EYA1: variants seen among roughly 807,000 people sequenced by gnomAD.
EYA1 encodes the protein EYA transcriptional coactivator and phosphatase 1, also known as protein phosphatase EYA1.
EYA1 carries 16 observed loss-of-function variants against 82.0 expected under a neutral mutation model. The ratio of observed to expected loss-of-function variants is 0.20; its 90% CI spans 0.13 to 0.30. The LOEUF is 0.30. Among genes scored for constraint, EYA1 ranks in the 10% least tolerant of loss-of-function variants. The pLI, the probability that EYA1 is intolerant of heterozygous loss-of-function variation, is 1.00. For synonymous variants in EYA1, 261 were observed against 264.4 expected (o/e 0.99, Z 0.12); for missense variants, 633 against 730.7 (o/e 0.87, Z 1.54).
At chr8:71,485,936 T>C (rs1046096627) in intron 2 of EYA1, among the ~76,000 whole-genome samples, 3 of 152,176 alleles carry the variant, frequency 2.0e-5, no homozygotes, top group East Asian at 3.9e-4. Context: ...GAAGAGTTGA[T>C]AGCTTTTGCC....
In EYA1 at chr8:71,387,423, G is replaced by T. The variant is rs78963654; in HGVS notation, c.34-30912C>A. Among the ~76,000 whole-genome samples, 626 of 152,286 alleles carry T rather than the reference G, an allele frequency of 4.1e-3. 6 individuals carry two copies. The highest frequency in any genetic ancestry group is 0.014 in the African/African-American group (602 of 41,562). ...CAATGTGTAAATGACAGATTATATA[G>T]AGAGAAATGATAGGTAGAAACACCA... On this transcript the variant is annotated intron_variant, in intron 2 of 18. Coordinates refer to the EYA1 transcript ENST00000643681.
chr8:71,211,282 AAATGTGAAGTTTGGGTAACCT>A (rs770685189), intron 16 of EYA1, 26 bp from the exon 17 acceptor site: 45 of 1,491,412 alleles, frequency 3.0e-5, no homozygotes, highest in Non-Finnish European at 4.2e-5. Flanking sequence ...AAATGATAGA[AAATGTGAAGTTTGGGTAACCT>A]AATGTGACAG....
chr8:71,231,805 C>G (rs993694822), intron 12 of EYA1, among the ~76,000 whole-genome samples: 3 of 152,210 alleles, frequency 2.0e-5, no homozygotes, highest in Non-Finnish European at 4.4e-5. Flanking sequence ...TCTGTCCACT[C>G]TCTATCTATT....
At chr8:71,360,847 A>G (rs1470849588) in intron 1 of EYA1, among the ~76,000 whole-genome samples, 2 of 152,220 alleles carry the variant, frequency 1.3e-5, no homozygotes, top group Non-Finnish European at 2.9e-5. Flanking sequence ...ACAGCTCTGA[A>G]TTTATTGAAT....
intron 2 of EYA1, among the ~76,000 whole-genome samples, chr8:71,441,388 T>A (rs1328210315): frequency 6.6e-6 from 1 of 151,980 alleles, no homozygotes; most frequent in South Asian, 2.1e-4. Flanking sequence ...CCAGCCTGAG[T>A]GACAGAGTGA....
At chr8:71,352,297 G>A (rs1438179673) in intron 3 of EYA1, among the ~76,000 whole-genome samples, 1 of 152,096 alleles carries the variant, frequency 6.6e-6, no homozygotes, top group Non-Finnish European at 1.5e-5. Context: ...TATATTATGA[G>A]ACATATAAGT....
rs528223275 is a variant in EYA1, at chr8:71,393,489, C to A, written c.34-36978G>T. Among the ~76,000 whole-genome samples the A allele has an allele frequency of 2.0e-5, 3 of 152,218 alleles. No individual in the cohort carries two copies. The South Asian group carries it at 6.2e-4, about 32-fold the overall frequency. ...GTCCCCAGTGTGTGATGTTCCCCAC[C>A]CTGTGTCCAAGTGTTCTCATTGTTC... On this transcript the variant is annotated intron_variant, in intron 2 of 18. Transcript: ENST00000643681.
At chr8:71,448,165 T>A (rs923639131) in intron 2 of EYA1, among the ~76,000 whole-genome samples, 1 of 150,942 alleles carries the variant, frequency 6.6e-6, no homozygotes, top group Non-Finnish European at 1.5e-5. Flanking sequence ...GCCTGGCTAA[T>A]TTTTTGTATT....
intron 7 of EYA1, among the ~76,000 whole-genome samples, chr8:71,315,594 T>G (rs1349661627): frequency 1.3e-5 from 2 of 152,218 alleles, no homozygotes; most frequent in African/African-American, 4.8e-5. Flanking sequence ...GTCTCTCTCT[T>G]TGGCAAGAAT....
intron 3 of EYA1, among the ~76,000 whole-genome samples, chr8:71,353,206 C>A (rs1826479504): frequency 6.6e-6 from 1 of 152,212 alleles, no homozygotes; most frequent in Admixed American, 6.5e-5. Context: ...CTGACTCCTG[C>A]ATGAGGCCTG....
At chr8:71,367,297 G>A (rs1827813646) in intron 2 of EYA1, among the ~76,000 whole-genome samples, 1 of 151,954 alleles carries the variant, frequency 6.6e-6, no homozygotes, top group Admixed American at 6.6e-5. Context: ...AGTATGATAT[G>A]CTTTAGTTTT....
chr8:71,546,867 A>G (rs1815651881), intron 1 of EYA1, among the ~76,000 whole-genome samples: 1 of 152,150 alleles, frequency 6.6e-6, no homozygotes, highest in Admixed American at 6.6e-5. Context: ...CTCCCACTGG[A>G]ATTTTTTAAA....
At chr8:71,326,468 C>T (rs1309872527) in intron 4 of EYA1, among the ~76,000 whole-genome samples, 1 of 152,086 alleles carries the variant, frequency 6.6e-6, no homozygotes, top group African/African-American at 2.4e-5. Flanking sequence ...GAAGAAGCAC[C>T]TCCTGATTCT....
chr8:71,361,892 C>T lies in EYA1; in HGVS notation c.-300G>A, dbSNP rs55999014. 359 of 985,474 alleles carry T rather than the reference C, an allele frequency of 3.6e-4. No homozygotes were observed. The highest frequency in any genetic ancestry group is 4.2e-4 in the Non-Finnish European group (346 of 829,980). The allele number at this position is 985,474 out of a possible 1,614,324, so 61.0% of individuals were successfully genotyped here. ...CGAGCGACTGAGCGAAAACGTGTTC[C>T]CCAGGAAGAAACCCGCCACAGTGGA... On this transcript the variant is annotated 5_prime_UTR_variant, in exon 1 of 18. Coordinates refer to ENST00000340726, the MANE Select transcript of EYA1 (RefSeq NM_000503.6).
At position 71,217,015 on chromosome 8, in the gene EYA1, G is replaced by T. The variant is rs1338058043; in HGVS notation, c.1149C>A (p.Asp383Glu). 3 of 1,612,414 alleles carry T rather than the reference G, an allele frequency of 1.9e-6. No homozygotes were observed. The highest frequency in any genetic ancestry group is 2.5e-6 in the Non-Finnish European group (3 of 1,178,536). ...HLFFNDLEEC[D>E]QVHIDDVSSD... ...AAGAAACATCATCTATATGGACTTG[G>T]TCACATTCCTAAAATGCAATTAAAA... The change falls in exon 13 of 18, where the codon GAC becomes GAA. Residue 383 changes from aspartate (D) to glutamate (E), a missense_variant. Physicochemically the swap from Asp to Glu is conservative, Grantham distance 45 (BLOSUM62 2). Coordinates refer to ENST00000340726, the MANE Select transcript of EYA1 (RefSeq NM_000503.6).
At chr8:71,358,392 T>C (rs1056274626) in intron 1 of EYA1, among the ~76,000 whole-genome samples, 1 of 152,186 alleles carries the variant, frequency 6.6e-6, no homozygotes, top group African/African-American at 2.4e-5. Context: ...TCCATATGCA[T>C]GATCTACATT....
At chr8:71,250,011 TCATTGC>T (rs1195851149) in intron 11 of EYA1, among the ~76,000 whole-genome samples, 2 of 152,014 alleles carry the variant, frequency 1.3e-5, no homozygotes, top group African/African-American at 2.4e-5. Flanking sequence ...TCCCTTATTG[TCATTGC>T]CATTGTTCTT....
intron 2 of EYA1, among the ~76,000 whole-genome samples, chr8:71,510,852 T>C (rs1392104037): frequency 1.3e-5 from 2 of 152,244 alleles, no homozygotes; most frequent in African/African-American, 4.8e-5. Flanking sequence ...GGCTGAAGAC[T>C]CATGTGAGTG....
chr8:71,422,880 T>C (rs1438546472), intron 2 of EYA1, among the ~76,000 whole-genome samples: 1 of 152,106 alleles, frequency 6.6e-6, no homozygotes, highest in African/African-American at 2.4e-5. Context: ...GGATCAACAA[T>C]TCATGATGAG....
Sources: allele counts gnomAD v4.1 joint callset (sites outside exome capture counted in the v4.1 genomes callset), GRCh38; gene constraint gnomAD v4.1.1; transcripts MANE v1.5; gene names NCBI Gene and HGNC (gene_info 2026-07-23, HGNC 2026-07-21).